Variants in GPR137B observed in about 807,000 individuals in gnomAD.
GPR137B encodes G protein-coupled receptor 137B.
GPR137B carries 42 observed loss-of-function variants against 42.5 expected under a neutral mutation model. The ratio of observed to expected loss-of-function variants is 0.99; its 90% CI spans 0.77 to 1.28. GPR137B has a LOEUF of 1.28. Among genes scored for constraint, GPR137B ranks in the 50% most tolerant of loss-of-function variants. The pLI, the probability that GPR137B is intolerant of heterozygous loss-of-function variation, is 0.00. For synonymous variants in GPR137B, 218 were observed against 209.7 expected, an observed-to-expected ratio of 1.04 and a Z score of -0.34; for missense variants, 487 against 493.9, an observed-to-expected ratio of 0.99 and a Z score of 0.13.
At chr1:236,149,545 G>A (rs1156673847) in intron 1 of GPR137B, among the ~76,000 whole-genome samples, 1 of 152,224 alleles carries the variant, frequency 6.6e-6, no homozygotes, top group Non-Finnish European at 1.5e-5. Context: ...GTGGGTGATT[G>A]TAGGAGTAAG....
chr1:236,205,869 C>T (rs926218402), intron 6 of GPR137B, among the ~76,000 whole-genome samples: 3 of 152,110 alleles, frequency 2.0e-5, no homozygotes, highest in Non-Finnish European at 4.4e-5. Flanking sequence ...AAATGCCGAG[C>T]GAGCCTGTAA....
chr1:236,172,392 C>G (rs1662563257), intron 2 of GPR137B, among the ~76,000 whole-genome samples: 1 of 152,218 alleles, frequency 6.6e-6, no homozygotes, highest in African/African-American at 2.4e-5. Flanking sequence ...ACTTTCCACT[C>G]CAATCTATTC....
chr1:236,164,540 A>G (rs1027524541), intron 1 of GPR137B, among the ~76,000 whole-genome samples: 2 of 152,248 alleles, frequency 1.3e-5, no homozygotes, highest in Admixed American at 6.5e-5. Context: ...CCAGAGAGCC[A>G]GGGTGAGCCA....
chr1:236,204,155 CAATT>C (rs1663580880), intron 5 of GPR137B, among the ~76,000 whole-genome samples: 1 of 152,136 alleles, frequency 6.6e-6, no homozygotes, highest in Non-Finnish European at 1.5e-5. Flanking sequence ...TTTTTAGCAT[CAATT>C]GAGATGATCA....
At chr1:236,154,262 A>C (rs1327203782) in intron 1 of GPR137B, among the ~76,000 whole-genome samples, 1 of 148,520 alleles carries the variant, frequency 6.7e-6, no homozygotes, top group African/African-American at 2.6e-5. Context: ...GACCAACATG[A>C]GGATGGAAGG....
chr1:236,152,004 G>T (rs116184345), intron 1 of GPR137B, among the ~76,000 whole-genome samples: 2 of 152,132 alleles, frequency 1.3e-5, no homozygotes, highest in East Asian at 3.9e-4. Flanking sequence ...TTGGCGTGCC[G>T]TGAGCCTGGC....
At chr1:236,149,049 C>G (rs769541493) in intron 1 of GPR137B, among the ~76,000 whole-genome samples, 6 of 152,186 alleles carry the variant, frequency 3.9e-5, no homozygotes, top group East Asian at 3.9e-4. Flanking sequence ...AGTTGAGATT[C>G]TCACTGTGTG....
Position 236,178,652 on chromosome 1 carries a change from G to T in GPR137B, c.687+16G>T. On this transcript the variant is annotated intron_variant, in intron 3 of 6. Coordinates refer to ENST00000366592, the MANE Select transcript of GPR137B (RefSeq NM_003272.4). ...GGAGTCCAAGGTAGGTGGAAATGTG[G>T]TCAAGATCCCTCCCATGAAACGTGT... The T allele has an allele frequency of 6.9e-7, 1 of 1,447,956 alleles. No homozygotes were observed. The allele number at this position is 1,447,956 out of a possible 1,614,324, so 89.7% of individuals were successfully genotyped here. A position where few individuals can be genotyped will look rare whatever the true frequency, so the allele number is the denominator to read the frequency against.
intron 5 of GPR137B, among the ~76,000 whole-genome samples, chr1:236,196,948 A>G (rs1663356513): frequency 6.6e-6 from 1 of 152,242 alleles, no homozygotes; most frequent in Non-Finnish European, 1.5e-5. Flanking sequence ...TCTTTTTCAT[A>G]TAATGACTCC....
chr1:236,174,250 A>G (rs1042051635), intron 2 of GPR137B, among the ~76,000 whole-genome samples: 3 of 152,232 alleles, frequency 2.0e-5, no homozygotes, highest in Non-Finnish European at 2.9e-5. Context: ...AGACTAAACA[A>G]AGCCTCCTAA....
chr1:236,174,870 G>C (rs907150593), intron 2 of GPR137B, among the ~76,000 whole-genome samples: 5 of 152,146 alleles, frequency 3.3e-5, no homozygotes, highest in African/African-American at 9.7e-5. Flanking sequence ...ATTGGGAATT[G>C]AGTTTGGGAC....
In GPR137B at chr1:236,158,183, A is replaced by G. The variant is rs554617713; in HGVS notation, c.415-10523A>G. On this transcript the variant is annotated intron_variant, in intron 1 of 6. Transcript: ENST00000366592. ...TTATGCCTGTAATCCCAACACTTTG[A>G]GAGGCTGAGGTGGGTGGATCACCTG... 1.1e-4 allele frequency among the ~76,000 whole-genome samples: 17 copies of G among 152,288 alleles called. No individual in the cohort carries two copies. In the South Asian group the frequency reaches 1.2e-3, roughly 11 times the overall value.
At chr1:236,181,761 C>T (rs1214102172) in intron 4 of GPR137B, among the ~76,000 whole-genome samples, 2 of 152,090 alleles carry the variant, frequency 1.3e-5, no homozygotes, top group African/African-American at 2.4e-5. Context: ...CAAGGCACTG[C>T]TAAGGGCGTG....
chr1:236,164,063 C>G (rs1470206056), intron 1 of GPR137B, among the ~76,000 whole-genome samples: 1 of 152,044 alleles, frequency 6.6e-6, no homozygotes, highest in Non-Finnish European at 1.5e-5. Context: ...CCACACCTCC[C>G]CATGCCTCCC....
At chr1:236,149,026 C>T (rs10924372) in intron 1 of GPR137B, among the ~76,000 whole-genome samples, 94,592 of 151,936 alleles carry the variant, frequency 0.62, 30,012 homozygotes, top group East Asian at 0.88. Context: ...TCCCTTTGCT[C>T]CTCTCCTCCC....
chr1:236,197,846 G>A (rs1017698348), intron 5 of GPR137B, among the ~76,000 whole-genome samples: 3 of 151,986 alleles, frequency 2.0e-5, no homozygotes, highest in African/African-American at 7.2e-5. Flanking sequence ...TCAGCCTCCT[G>A]AGTAGGTGGG....
rs1361907565 is a variant in GPR137B at position 236,155,638 on chromosome 1, G to GT, written c.414+12603dup. On this transcript the variant is annotated intron_variant, in intron 1 of 6. Coordinates refer to ENST00000366592, the MANE Select transcript of GPR137B (RefSeq NM_003272.4). This position sits in a 1 kb window ranked among gnomAD's most constrained non-coding sequence, Gnocchi z 4.6. Reference sequence around the variant, plus strand: ...GTTCTGCCTTCTGGGTGGCCAGCCTGTGTTGGCGCCGTTGGATGGAGTGAA... The same window carrying GT: ...GTTCTGCCTTCTGGGTGGCCAGCCTGTTGTTGGCGCCGTTGGATGGAGTGAA... Among the ~76,000 whole-genome samples the GT allele has an allele frequency of 6.6e-6, 1 of 152,134 alleles. No individual in the cohort carries two copies. Among genetic ancestry groups the GT allele is most frequent in the Non-Finnish European group, 1.5e-5 (1 of 68,020 alleles).
chr1:236,164,778 A>G (rs1004159223), intron 1 of GPR137B, among the ~76,000 whole-genome samples: 6 of 152,190 alleles, frequency 3.9e-5, no homozygotes, highest in Non-Finnish European at 5.9e-5. Context: ...TTTCAGTTTC[A>G]CATGCCAGGA....
chr1:236,170,829 A>T (rs1662512065), intron 2 of GPR137B, among the ~76,000 whole-genome samples: 1 of 152,044 alleles, frequency 6.6e-6, no homozygotes, highest in African/African-American at 2.4e-5. Context: ...TACAGAAATT[A>T]GCTGTGCGTG....
Sources: allele counts gnomAD v4.1 joint callset (sites outside exome capture counted in the v4.1 genomes callset), GRCh38; gene constraint gnomAD v4.1.1; non-coding constraint Gnocchi (gnomAD v3.1); transcripts MANE v1.5; gene names NCBI Gene and HGNC (gene_info 2026-07-23, HGNC 2026-07-21).